The following SLC35F1 variants were observed in gnomAD, a reference collection of about 807,000 sequenced individuals.
The protein encoded by SLC35F1 is solute carrier family 35 member F1, also known as chromosome 6 open reading frame 169.
Under a neutral mutation model 48.7 loss-of-function variants are expected in SLC35F1, and 14 were observed. The ratio of observed to expected loss-of-function variants is 0.29; its 90% CI spans 0.19 to 0.45. SLC35F1 has a LOEUF of 0.45. Ranked by LOEUF, SLC35F1 falls within the 20% of genes least tolerant of loss-of-function variation. The pLI is 1.00. For missense variants in SLC35F1, 404 were observed against 500.0 expected, an observed-to-expected ratio of 0.81 and a Z score of 1.83; for synonymous variants, 190 against 202.2, an observed-to-expected ratio of 0.94 and a Z score of 0.51.
chr6:118,188,013 C>T (rs976934523), intron 2 of SLC35F1, among the ~76,000 whole-genome samples: 1 of 152,218 alleles, frequency 6.6e-6, no homozygotes, highest in African/African-American at 2.4e-5. Context: ...GTGATTGCTT[C>T]ATTATGTGTA....
intron 2 of SLC35F1, among the ~76,000 whole-genome samples, chr6:118,189,948 A>G (rs1336670499): frequency 6.6e-6 from 1 of 152,138 alleles, no homozygotes; most frequent in African/African-American, 2.4e-5. Context: ...ATTGGCCAAG[A>G]CTCAGCTATT....
intron 2 of SLC35F1, among the ~76,000 whole-genome samples, chr6:118,168,284 T>C (rs1352665475): frequency 1.3e-5 from 2 of 151,654 alleles, no homozygotes; most frequent in African/African-American, 2.4e-5. Context: ...AATATAATAT[T>C]CCCCCCTTAT....
chr6:118,092,205 C>A (rs1407066102), intron 1 of SLC35F1, among the ~76,000 whole-genome samples: 1 of 152,166 alleles, frequency 6.6e-6, no homozygotes, highest in Non-Finnish European at 1.5e-5. Context: ...CAGCCCCTCC[C>A]ATCACAGGTC....
intron 1 of SLC35F1, among the ~76,000 whole-genome samples, chr6:118,051,966 G>C (rs4245497): frequency 0.3 from 46,142 of 151,932 alleles, 7,524 homozygotes; most frequent in East Asian, 0.47. Flanking sequence ...TAATGTCACT[G>C]CTTTGCATGA....
intron 1 of SLC35F1, among the ~76,000 whole-genome samples, chr6:118,120,125 A>G (rs1773533391): frequency 6.6e-6 from 1 of 152,180 alleles, no homozygotes; most frequent in South Asian, 2.1e-4. Context: ...GGCGAACTAC[A>G]TGGAAATTCC....
At chr6:117,979,945 T>G (rs1351760585) in intron 1 of SLC35F1, among the ~76,000 whole-genome samples, 1 of 152,228 alleles carries the variant, frequency 6.6e-6, no homozygotes, top group Non-Finnish European at 1.5e-5. Flanking sequence ...CAGCAAGAAT[T>G]ACTTATCAGA....
intron 1 of SLC35F1, among the ~76,000 whole-genome samples, chr6:118,066,092 CA>C (rs1051293651): frequency 2.6e-5 from 4 of 152,126 alleles, no homozygotes; most frequent in Non-Finnish European, 2.9e-5. Context: ...GCACTTTTAA[CA>C]AGCACCCTTT....
rs967925389 is a variant in SLC35F1 at position 117,910,607 on chromosome 6, C to T, written c.173+2708C>T. 2.0e-5 allele frequency among the ~76,000 whole-genome samples: 3 copies of T among 152,308 alleles called. No individual in the cohort carries two copies. The South Asian group carries it at 6.2e-4, about 32-fold the overall frequency. Reference sequence around the variant, plus strand: ...AAATATCCCTCCAACTTTTGACATGCAGATATATGGTTAGCAGCATTCTAT... The same window carrying T: ...AAATATCCCTCCAACTTTTGACATGTAGATATATGGTTAGCAGCATTCTAT... On this transcript the variant is annotated intron_variant, in intron 1 of 7. Transcript: ENST00000360388.
chr6:118,296,398 T>G (rs1163810954), intron 7 of SLC35F1, among the ~76,000 whole-genome samples: 1 of 152,208 alleles, frequency 6.6e-6, no homozygotes, highest in East Asian at 1.9e-4. Context: ...CCCATTCTCT[T>G]GGCCAAAACT....
intron 2 of SLC35F1, among the ~76,000 whole-genome samples, chr6:118,223,709 C>A (rs1233505695): frequency 6.6e-6 from 1 of 152,206 alleles, no homozygotes; most frequent in Non-Finnish European, 1.5e-5. Context: ...TCTGCTTTAC[C>A]AGGCTTCTGG....
intron 7 of SLC35F1, among the ~76,000 whole-genome samples, chr6:118,303,388 A>G (rs747554824): frequency 1.9e-4 from 29 of 152,236 alleles, no homozygotes; most frequent in Admixed American, 3.3e-4. Flanking sequence ...AAGAATTACT[A>G]CTTTGTAATG....
chr6:117,928,496 C>T (rs1361264207), intron 1 of SLC35F1, among the ~76,000 whole-genome samples: 2 of 151,802 alleles, frequency 1.3e-5, no homozygotes, highest in Non-Finnish European at 2.9e-5. Flanking sequence ...TAACTTAATG[C>T]CTTGAAAAAA....
chr6:118,232,443 G>C (rs1582742808), intron 2 of SLC35F1, among the ~76,000 whole-genome samples: 1 of 151,664 alleles, frequency 6.6e-6, no homozygotes, highest in East Asian at 2.0e-4. Flanking sequence ...AGCTACACGG[G>C]AGGCTGAGGC....
intron 1 of SLC35F1, among the ~76,000 whole-genome samples, chr6:118,069,895 G>T (rs543444348): frequency 1.3e-5 from 2 of 152,094 alleles, no homozygotes; most frequent in African/African-American, 4.8e-5. Context: ...CCAGCACTTT[G>T]GGAGGCCGAG....
At chr6:117,953,921 C>G (rs1776395162) in intron 1 of SLC35F1, among the ~76,000 whole-genome samples, 2 of 152,180 alleles carry the variant, frequency 1.3e-5, no homozygotes, top group African/African-American at 4.8e-5. Context: ...CCTGAAACAA[C>G]AAGTTACCAC....
intron 2 of SLC35F1, among the ~76,000 whole-genome samples, chr6:118,161,536 A>G (rs974359893): frequency 1.3e-5 from 2 of 152,174 alleles, no homozygotes; most frequent in Admixed American, 6.5e-5. Context: ...TCACTTACCT[A>G]AGTCTGGTGA....
chr6:117,991,682 C>T (rs1442064130), intron 1 of SLC35F1, among the ~76,000 whole-genome samples: 1 of 152,176 alleles, frequency 6.6e-6, no homozygotes, highest in African/African-American at 2.4e-5. Flanking sequence ...TTGTTCGTCA[C>T]TTGGATCTGT....
intron 1 of SLC35F1, among the ~76,000 whole-genome samples, chr6:118,093,248 G>A (rs73514517): frequency 0.34 from 51,792 of 151,848 alleles, 9,398 homozygotes; most frequent in Middle Eastern, 0.47. Flanking sequence ...CCCAGCAGGC[G>A]GTGCTTGCAG....
chr6:117,923,444 G>A (rs1775928148), intron 1 of SLC35F1, among the ~76,000 whole-genome samples: 1 of 149,898 alleles, frequency 6.7e-6, no homozygotes, highest in African/African-American at 2.5e-5. Flanking sequence ...AACTTGATAG[G>A]TTTTCTGTAC....
Sources: allele counts gnomAD v4.1 joint callset (sites outside exome capture counted in the v4.1 genomes callset), GRCh38; gene constraint gnomAD v4.1.1; transcripts MANE v1.5; gene names NCBI Gene and HGNC (gene_info 2026-07-23, HGNC 2026-07-21).